The following ZBTB20 variants were observed in gnomAD, a reference collection of about 807,000 sequenced individuals.
The protein encoded by ZBTB20 is zinc finger and BTB domain-containing protein 20.
ZBTB20 carries 9 observed loss-of-function variants against 56.9 expected under a neutral mutation model. The ratio of observed to expected loss-of-function variants is 0.16; its 90% CI spans 0.10 to 0.28. The LOEUF (loss-of-function observed/expected upper bound fraction) is 0.28, where lower values mean the gene tolerates loss of function less well. Among genes scored for constraint, ZBTB20 ranks in the 10% least tolerant of loss-of-function variants. The pLI, the probability that ZBTB20 is intolerant of heterozygous loss-of-function variation, is 1.00. For synonymous variants in ZBTB20, 417 were observed against 420.7 expected, an observed-to-expected ratio of 0.99 and a Z score of 0.11; for missense variants, 655 against 1,003.0, an observed-to-expected ratio of 0.65 and a Z score of 4.69.
intron 10 of ZBTB20, among the ~76,000 whole-genome samples, chr3:114,375,408 A>T (rs2083494686): frequency 6.6e-6 from 1 of 152,238 alleles, no homozygotes; most frequent in South Asian, 2.1e-4. Flanking sequence ...TTACTCTTTA[A>T]GTCAGGGGTT....
chr3:115,091,125 A>G (rs371199199), intron 1 of ZBTB20, among the ~76,000 whole-genome samples: 1 of 151,614 alleles, frequency 6.6e-6, no homozygotes, highest in East Asian at 1.9e-4. Context: ...AAAAAAGTGA[A>G]AAACAAATAA....
At chr3:114,527,181 T>C (rs894744540) in intron 6 of ZBTB20, 1 of 152,050 alleles carries the variant, frequency 6.6e-6, no homozygotes, top group Non-Finnish European at 1.5e-5. Flanking sequence ...ATTTAAAAAA[T>C]AAAAGAAGGC....
intron 7 of ZBTB20, among the ~76,000 whole-genome samples, chr3:114,465,599 C>G (rs904964674): frequency 6.6e-6 from 1 of 151,808 alleles, no homozygotes; most frequent in African/African-American, 2.4e-5. Context: ...CCCAGCTACT[C>G]AGGAGTCTGA....
At chr3:114,377,329 G>A (rs113373928) in intron 10 of ZBTB20, among the ~76,000 whole-genome samples, 3,834 of 152,222 alleles carry the variant, frequency 0.025, 169 homozygotes, top group African/African-American at 0.086. Context: ...ATACATTTTA[G>A]CAGCAATATT....
At chr3:114,617,846 G>A (rs1336623833) in intron 6 of ZBTB20, among the ~76,000 whole-genome samples, 3 of 152,048 alleles carry the variant, frequency 2.0e-5, no homozygotes, top group Non-Finnish European at 4.4e-5. Flanking sequence ...CACTTTCATT[G>A]AGGTCTTTTC....
intron 4 of ZBTB20, among the ~76,000 whole-genome samples, chr3:114,844,520 C>CAAAAAAAAAA (rs71146342): frequency 0.017 from 387 of 22,808 alleles, 157 homozygotes; most frequent in East Asian, 0.047. Context: ...GTCCCTGTCT[C>CAAAAAAAAAA]AAAAAAAAAA....
chr3:114,585,619 C>T (rs1193202624), intron 6 of ZBTB20, among the ~76,000 whole-genome samples: 1 of 152,198 alleles, frequency 6.6e-6, no homozygotes, highest in Non-Finnish European at 1.5e-5. Context: ...TTCTAATGGA[C>T]CTGCCTGGTA....
At position 114,322,942 on chromosome 3, in the gene ZBTB20, AGT is replaced by A. The variant is rs2108006169; in HGVS notation, c.*16061_*16062del. ...TCCAAATTGATGCCCCATATGTGAC[AGT>A]GTTCAGAGAAATTCAACATTAGCCA... On this transcript the variant is annotated 3_prime_UTR_variant, in exon 12 of 12. Coordinates refer to ENST00000675478, the MANE Select transcript of ZBTB20 (RefSeq NM_001348800.3). 6.6e-6 allele frequency: 1 copy of A among 152,326 alleles called. No homozygotes were observed. Among genetic ancestry groups the A allele is most frequent in the Admixed American group, 6.5e-5 (1 of 15,308 alleles). The allele number at this position is 152,326 out of a possible 1,614,324, so 9.4% of individuals were successfully genotyped here. A position where few individuals can be genotyped will look rare whatever the true frequency, so the allele number is the denominator to read the frequency against.
Position 114,585,185 on chromosome 3 carries a change from C to T in ZBTB20, c.-294-84794G>A, listed in dbSNP as rs2055054370. On this transcript the variant is annotated intron_variant, in intron 6 of 11. Transcript: ENST00000675478. ...TGAAGTTACACAGTGTAGGAGTACT[C>T]CCTGCTGGCAGCTGAGGTTGGAAAT... Among the ~76,000 whole-genome samples, 3 of 151,948 alleles carry T rather than the reference C, an allele frequency of 2.0e-5. No individual in the cohort carries two copies. The South Asian group carries it at 6.3e-4, about 32-fold the overall frequency.
At chr3:114,820,018 A>T (rs1418570564) in intron 4 of ZBTB20, among the ~76,000 whole-genome samples, 1 of 151,950 alleles carries the variant, frequency 6.6e-6, no homozygotes, top group Non-Finnish European at 1.5e-5. Context: ...CAAAACAGTT[A>T]AGAATGTAGT....
At chr3:114,411,633 G>T (rs578219014) in intron 7 of ZBTB20, among the ~76,000 whole-genome samples, 1 of 152,110 alleles carries the variant, frequency 6.6e-6, no homozygotes, top group Non-Finnish European at 1.5e-5. Context: ...TAATGGATCA[G>T]GGAGCTGAAA....
intron 4 of ZBTB20, among the ~76,000 whole-genome samples, chr3:114,860,714 A>G (rs2075486507): frequency 6.6e-6 from 1 of 152,188 alleles, no homozygotes; most frequent in African/African-American, 2.4e-5. Context: ...CCTCACAGTC[A>G]TCCTGGAGAT....
Position 114,316,268 on chromosome 3 carries a change from CTTT to C in ZBTB20, c.*22734_*22736del, listed in dbSNP as rs913546902. The stretch of plus-strand genomic sequence containing the variant: ...TTTTCCTTTTTCACTAACACTGTTC[CTTT>C]TTTTCCTTGTTACAATCCATTCTTT... On this transcript the variant is annotated 3_prime_UTR_variant, in exon 12 of 12. Transcript: ENST00000675478. 6.3e-5 allele frequency: 21 copies of C among 332,914 alleles called. No individual in the cohort carries two copies. Among genetic ancestry groups the C allele is most frequent in the Non-Finnish European group, 1.1e-5 (2 of 178,336 alleles). The allele number at this position is 332,914 out of a possible 1,614,324, so 20.6% of individuals were successfully genotyped here.
intron 7 of ZBTB20, among the ~76,000 whole-genome samples, chr3:114,394,556 C>T (rs6791469): frequency 0.99 from 150,836 of 152,296 alleles, 74,713 homozygotes; most frequent in East Asian, 1. Context: ...TGAGAATGTC[C>T]TCTAACAGTC....
intron 10 of ZBTB20, chr3:114,355,944 C>G (rs908455974): frequency 6.6e-6 from 1 of 151,990 alleles, no homozygotes; most frequent in Non-Finnish European, 1.5e-5. Context: ...CTTCCCCACC[C>G]AAAATAAAAA....
intron 4 of ZBTB20, among the ~76,000 whole-genome samples, chr3:114,894,105 T>A (rs2074758842): frequency 1.6e-5 from 1 of 62,526 alleles, no homozygotes; most frequent in Non-Finnish European, 3.3e-5. Flanking sequence ...TGAGTTTTTA[T>A]CAGGTTTATC....
chr3:114,851,598 G>A (rs10048948), intron 4 of ZBTB20, among the ~76,000 whole-genome samples: 114,311 of 151,882 alleles, frequency 0.75, 47,365 homozygotes, highest in East Asian at 0.99. Context: ...TTATTGTTCT[G>A]TTATTCTCTT....
chr3:114,564,297 T>C (rs1232699556), intron 6 of ZBTB20, among the ~76,000 whole-genome samples: 17 of 152,164 alleles, frequency 1.1e-4, no homozygotes, highest in Admixed American at 1.0e-3. Flanking sequence ...CTCTTTGCCA[T>C]CTAAGGCAAC....
intron 6 of ZBTB20, among the ~76,000 whole-genome samples, chr3:114,651,623 G>A (rs2060138449): frequency 6.8e-6 from 1 of 147,822 alleles, no homozygotes; most frequent in Non-Finnish European, 1.5e-5. Flanking sequence ...CCTAGAGTTT[G>A]ATATTAACTT....
Sources: allele counts gnomAD v4.1 joint callset (sites outside exome capture counted in the v4.1 genomes callset), GRCh38; gene constraint gnomAD v4.1.1; transcripts MANE v1.5; gene names NCBI Gene and HGNC (gene_info 2026-07-23, HGNC 2026-07-21).